The following CCDC148 variants were observed in gnomAD, a reference collection of about 807,000 sequenced individuals.
CCDC148 encodes the protein coiled-coil domain containing 148, also known as coiled-coil domain-containing protein 148.
In CCDC148, 89 loss-of-function variants were observed where a neutral mutation model predicts 85.7. That is an observed-to-expected ratio of 1.04 (90% CI 0.87 to 1.24). The LOEUF (loss-of-function observed/expected upper bound fraction) is 1.24, where lower values mean the gene tolerates loss of function less well. Ranked by LOEUF, CCDC148 falls within the 50% of genes most tolerant of loss-of-function variation. The pLI is 0.00. For missense variants in CCDC148, 692 were observed against 671.7 expected (o/e 1.03, Z -0.33); for synonymous variants, 230 against 213.9 (o/e 1.08, Z -0.66).
intron 1 of CCDC148, among the ~76,000 whole-genome samples, chr2:158,421,633 G>C (rs914058983): frequency 1.3e-5 from 2 of 152,142 alleles, no homozygotes; most frequent in Non-Finnish European, 2.9e-5. Context: ...ACAAGAGAAA[G>C]CAGGAAAGAT....
intron 1 of CCDC148, among the ~76,000 whole-genome samples, chr2:158,421,630 A>T (rs1686787671): frequency 1.3e-5 from 2 of 152,222 alleles, no homozygotes; most frequent in Admixed American, 1.3e-4. Flanking sequence ...CCCACAAGAG[A>T]AAGCAGGAAA....
At chr2:158,343,926 TTG>T (rs1055015601) in intron 3 of CCDC148, among the ~76,000 whole-genome samples, 3 of 152,136 alleles carry the variant, frequency 2.0e-5, no homozygotes, top group African/African-American at 7.2e-5. Context: ...TCCATTTTCT[TTG>T]TGTCATTCCA....
chr2:158,275,398 T>C (rs1387614262), intron 9 of CCDC148, among the ~76,000 whole-genome samples: 2 of 152,194 alleles, frequency 1.3e-5, no homozygotes, highest in Non-Finnish European at 2.9e-5. Context: ...GTTTAGACAA[T>C]ATAATAGGTT....
At chr2:158,204,373 C>T (rs749560211) in intron 11 of CCDC148, among the ~76,000 whole-genome samples, 3 of 152,154 alleles carry the variant, frequency 2.0e-5, no homozygotes, top group Non-Finnish European at 4.4e-5. Context: ...TTACTTTGAC[C>T]AGTGGATAAA....
At chr2:158,180,406 G>C (rs1048110094) in intron 11 of CCDC148, among the ~76,000 whole-genome samples, 2 of 152,132 alleles carry the variant, frequency 1.3e-5, no homozygotes, top group Non-Finnish European at 2.9e-5. Context: ...ACAAATAAGA[G>C]CCACTGAGAA....
At chr2:158,331,997 C>A (rs909843153) in intron 7 of CCDC148, among the ~76,000 whole-genome samples, 6 of 152,058 alleles carry the variant, frequency 3.9e-5, no homozygotes. Flanking sequence ...GAGCATTTAG[C>A]CCATTTACAT....
chr2:158,370,700 A>G (rs1489220720), intron 1 of CCDC148, among the ~76,000 whole-genome samples: 2 of 152,154 alleles, frequency 1.3e-5, no homozygotes, highest in African/African-American at 4.8e-5. Context: ...GAACCAAAAG[A>G]TGTACTATTA....
At chr2:158,349,746 G>C (rs1376850283) in intron 2 of CCDC148, among the ~76,000 whole-genome samples, 1 of 151,832 alleles carries the variant, frequency 6.6e-6, no homozygotes, top group Non-Finnish European at 1.5e-5. Context: ...CCTTAATCCA[G>C]ATATAATAAA....
At chr2:158,219,116 G>A (rs1031671423) in intron 11 of CCDC148, among the ~76,000 whole-genome samples, 10 of 152,102 alleles carry the variant, frequency 6.6e-5, no homozygotes, top group African/African-American at 2.4e-4. Context: ...TTCAAAATAG[G>A]CTTTATTTAT....
intron 7 of CCDC148, among the ~76,000 whole-genome samples, chr2:158,331,160 T>C (rs185592693): frequency 1.2e-4 from 18 of 152,272 alleles, no homozygotes; most frequent in South Asian, 4.1e-4. Context: ...CTATAAATTT[T>C]CCTCTACACA....
At chr2:158,308,922 A>G (rs1691828490) in intron 9 of CCDC148, among the ~76,000 whole-genome samples, 1 of 152,110 alleles carries the variant, frequency 6.6e-6, no homozygotes, top group African/African-American at 2.4e-5. Flanking sequence ...GCCCCGCTAG[A>G]TATTTCTGGG....
chr2:158,308,905 C>G (rs1246229901), intron 9 of CCDC148, among the ~76,000 whole-genome samples: 1 of 152,220 alleles, frequency 6.6e-6, no homozygotes, highest in Non-Finnish European at 1.5e-5. Context: ...AAGCCATCCT[C>G]AATCCAGCCC....
intron 9 of CCDC148, among the ~76,000 whole-genome samples, chr2:158,281,806 C>T (rs1226554094): frequency 1.3e-5 from 2 of 152,196 alleles, no homozygotes; most frequent in East Asian, 1.9e-4. Flanking sequence ...ATACCAAAGC[C>T]GGGCAGAGAC....
intron 7 of CCDC148, among the ~76,000 whole-genome samples, chr2:158,327,551 G>C (rs1023034705): frequency 3.9e-5 from 6 of 152,078 alleles, no homozygotes; most frequent in Non-Finnish European, 4.4e-5. Flanking sequence ...ATTTTGGATT[G>C]TCTGAGCCCA....
At chr2:158,316,455 T>A (rs571813787) in intron 7 of CCDC148, among the ~76,000 whole-genome samples, 1 of 152,316 alleles carries the variant, frequency 6.6e-6, no homozygotes, top group East Asian at 1.9e-4. Flanking sequence ...TGCCATGAAC[T>A]GTCACCATAT....
chr2:158,421,546 C>A (rs186564337), intron 1 of CCDC148, among the ~76,000 whole-genome samples: 631 of 152,208 alleles, frequency 4.1e-3, no homozygotes, highest in African/African-American at 0.014. Flanking sequence ...CCAATGAGAA[C>A]AAAGACACAA....
chr2:158,441,671 A>C (rs1054974468), intron 1 of CCDC148, among the ~76,000 whole-genome samples: 2 of 152,154 alleles, frequency 1.3e-5, no homozygotes, highest in Non-Finnish European at 2.9e-5. Flanking sequence ...TTGAGCTTCA[A>C]ATACAGTATT....
At chr2:158,255,707 T>C (rs1688984615) in intron 9 of CCDC148, among the ~76,000 whole-genome samples, 1 of 151,754 alleles carries the variant, frequency 6.6e-6, no homozygotes, top group African/African-American at 2.4e-5. Context: ...CTTTGCTAAT[T>C]ATATAGCTTT....
chr2:158,384,690 T>C (rs905288689), intron 1 of CCDC148, among the ~76,000 whole-genome samples: 13 of 152,152 alleles, frequency 8.5e-5, no homozygotes, highest in African/African-American at 3.1e-4. Flanking sequence ...TTTATAGCAA[T>C]GCAAGAAGGG....
Sources: allele counts gnomAD v4.1 joint callset (sites outside exome capture counted in the v4.1 genomes callset), GRCh38; gene constraint gnomAD v4.1.1; transcripts MANE v1.5; gene names NCBI Gene and HGNC (gene_info 2026-07-23, HGNC 2026-07-21).